The following POLD3 variants were observed in gnomAD, a reference collection of about 807,000 sequenced individuals.
The protein encoded by POLD3 is DNA polymerase delta 3, accessory subunit.
POLD3 carries 19 observed loss-of-function variants against 58.2 expected under a neutral mutation model. The ratio of observed to expected loss-of-function variants is 0.33; its 90% CI spans 0.23 to 0.48. POLD3 has a LOEUF of 0.48. Ranked by LOEUF, POLD3 falls within the 20% of genes least tolerant of loss-of-function variation. The pLI is 0.99. For synonymous variants in POLD3, 172 were observed against 193.5 expected, an observed-to-expected ratio of 0.89 and a Z score of 0.92; for missense variants, 504 against 545.5, an observed-to-expected ratio of 0.92 and a Z score of 0.76.
rs367642151 is a variant in POLD3 at position 74,640,514 on chromosome 11, G to C, written c.1199-50G>C. On this transcript the variant is annotated intron_variant, in intron 11 of 11. Coordinates refer to ENST00000263681, the MANE Select transcript of POLD3 (RefSeq NM_006591.3). ...AGCAAGACATCCCATTTTCTTCATAGAGTAAATGATTCAGCCCACCCATGT... is the reference window on the plus strand; with the variant it reads ...AGCAAGACATCCCATTTTCTTCATACAGTAAATGATTCAGCCCACCCATGT... 2.7e-6 allele frequency: 4 copies of C among 1,457,976 alleles called. No homozygotes were observed. In the African/African-American group the frequency reaches 5.8e-5, roughly 21 times the overall value. The allele number at this position is 1,457,976 out of a possible 1,614,324, so 90.3% of individuals were successfully genotyped here.
chr11:74,618,825 C>T, intron 6 of POLD3, 21 bp downstream of exon 6: 1 of 1,595,330 alleles, frequency 6.3e-7, no homozygotes, highest in South Asian at 1.1e-5. Flanking sequence ...TTTGAAGATA[C>T]CCCTTCATTG....
intron 4 of POLD3, 104 bp from the exon 5 acceptor site, chr11:74,612,774 C>A: frequency 1.0e-6 from 1 of 957,488 alleles, no homozygotes; most frequent in Non-Finnish European, 1.5e-6. Flanking sequence ...TTTTTTGGAC[C>A]ACCACAGATT....
intron 4 of POLD3, among the ~76,000 whole-genome samples, chr11:74,612,499 A>G: frequency 6.6e-6 from 1 of 152,222 alleles, no homozygotes; most frequent in East Asian, 1.9e-4. Context: ...TAAAATTGAA[A>G]TATATAAATG....
At position 74,641,898 on chromosome 11, in the gene POLD3, T is replaced by G. The variant is rs2032922981; in HGVS notation, c.*1132T>G. 2 of 985,228 alleles carry G rather than the reference T, an allele frequency of 2.0e-6. No individual in the cohort carries two copies. The highest frequency in any genetic ancestry group is 2.4e-6 in the Non-Finnish European group (2 of 829,742). 61.0% of individuals were successfully genotyped at this position (985,228 alleles called of 1,614,324 possible). A position where few individuals can be genotyped will look rare whatever the true frequency, so the allele number is the denominator to read the frequency against. ...GGTCTAAACATCAAAGAAAACATTT[T>G]TATTAGTTACTTATGGAAAATCATC... On this transcript the variant is annotated 3_prime_UTR_variant, in exon 12 of 12. Coordinates refer to ENST00000263681, the MANE Select transcript of POLD3 (RefSeq NM_006591.3).
intron 4 of POLD3, among the ~76,000 whole-genome samples, chr11:74,663,857 T>A (rs1205139746): frequency 6.6e-6 from 1 of 152,172 alleles, no homozygotes. Context: ...CATGCATATA[T>A]CTCTATCTCT....
intron 2 of POLD3, among the ~76,000 whole-genome samples, chr11:74,599,212 C>A (rs1365191141): frequency 6.6e-6 from 1 of 151,888 alleles, no homozygotes; most frequent in Non-Finnish European, 1.5e-5. Flanking sequence ...TTTTTTATTT[C>A]GTAGAGTTGG....
chr11:74,620,114 G>A, intron 7 of POLD3, 25 bp downstream of exon 7: 1 of 1,515,574 alleles, frequency 6.6e-7, no homozygotes, highest in Non-Finnish European at 9.2e-7. Flanking sequence ...ACCTCACTTT[G>A]ACTAACGAAT....
chr11:74,650,761 T>C (rs1419910418), intron 4 of POLD3, among the ~76,000 whole-genome samples: 1 of 152,152 alleles, frequency 6.6e-6, no homozygotes, highest in Non-Finnish European at 1.5e-5. Context: ...TCTCTTTGGG[T>C]GCCAGATGTG....
intron 6 of POLD3, among the ~76,000 whole-genome samples, chr11:74,619,099 A>T (rs1313420376): frequency 6.6e-6 from 1 of 152,172 alleles, no homozygotes; most frequent in African/African-American, 2.4e-5. Context: ...ACACCTCGAG[A>T]ATTGTTGACA....
chr11:74,666,940 A>G (rs2033275973), intron 4 of POLD3, among the ~76,000 whole-genome samples: 2 of 147,186 alleles, frequency 1.4e-5, no homozygotes, highest in African/African-American at 5.0e-5. Context: ...ATGTATGAGC[A>G]ATTGATGTTT....
chr11:74,656,748 T>A (rs1156937044), intron 4 of POLD3, among the ~76,000 whole-genome samples: 1 of 5,464 alleles, frequency 1.8e-4, no homozygotes. Context: ...TTCAGGGTTT[T>A]TTTTTTTTTT....
intron 4 of POLD3, among the ~76,000 whole-genome samples, chr11:74,650,337 C>T (rs2033052838): frequency 6.6e-6 from 1 of 152,178 alleles, no homozygotes; most frequent in South Asian, 2.1e-4. Context: ...TTCTGCTCAC[C>T]TGTCAAATTC....
In POLD3 at chr11:74,625,871, T is replaced by TTTTGTGTGTG. The variant is rs142784051; in HGVS notation, c.899+299_899+300insTTGTGTGTGT. ...GTGGACATGGCATAAGTGTGCCTAGTTGTGTGTGTGTGTGTGTGTGTGTGT... is the reference window on the plus strand; with the variant it reads ...GTGGACATGGCATAAGTGTGCCTAGTTTTGTGTGTGTGTGTGTGTGTGTGTGTGTGTGTGT... On this transcript the variant is annotated intron_variant, in intron 8 of 11. Coordinates refer to ENST00000263681, the MANE Select transcript of POLD3 (RefSeq NM_006591.3). Among the ~76,000 whole-genome samples the TTTTGTGTGTG allele has an allele frequency of 2.5e-4, 36 of 143,682 alleles. 1 individual carries two copies. Among genetic ancestry groups the TTTTGTGTGTG allele is most frequent in the African/African-American group, 8.5e-4 (33 of 38,876 alleles). The allele number at this position is 143,682 out of a possible 152,430, so 94.3% of individuals were successfully genotyped here.
At chr11:74,608,376 C>T (rs933504882) in intron 3 of POLD3, among the ~76,000 whole-genome samples, 3 of 152,202 alleles carry the variant, frequency 2.0e-5, no homozygotes, top group Admixed American at 6.5e-5. Flanking sequence ...CTGCTTCGGC[C>T]TCCCTAAGTG....
At chr11:74,596,533 A>G (rs1306730581) in intron 2 of POLD3, among the ~76,000 whole-genome samples, 1 of 152,230 alleles carries the variant, frequency 6.6e-6, no homozygotes, top group Non-Finnish European at 1.5e-5. Context: ...TATTGTGTAC[A>G]ACATTATGTT....
intron 5 of POLD3, among the ~76,000 whole-genome samples, chr11:74,618,223 A>G (rs1182094557): frequency 2.0e-5 from 1 of 49,868 alleles, no homozygotes; most frequent in Non-Finnish European, 3.6e-5. Context: ...GAATTAGAAT[A>G]CTTTTATCAA....
Position 74,618,540 on chromosome 11 carries a change from T to A in POLD3, c.396T>A (p.Phe132Leu), listed in dbSNP as rs2032150176. 6.2e-7 allele frequency: 1 copy of A among 1,604,642 alleles called. No homozygotes were observed. Among genetic ancestry groups the A allele is most frequent in the Non-Finnish European group, 8.5e-7 (1 of 1,173,368 alleles). The stretch of plus-strand genomic sequence containing the variant: ...AATGTAACATTTCTGTCCCCAGATT[T>A]AGTGCTATACAATGTGCAGCTGCCG... Reference protein sequence around the residue: ...LKSNLQNCSKFSAIQCAAAVP... With the variant: ...LKSNLQNCSKLSAIQCAAAVP... Residue 132 changes from phenylalanine (F) to leucine (L), a missense_variant, in exon 6 of 12, where the codon TTT becomes TTA. Phe to Leu is a conservative substitution (Grantham distance 22). Around this residue, in one of 2 missense-constraint regions of POLD3, gnomAD observed 119 missense variants for 175.0 expected, o/e 0.68. Transcript: ENST00000263681.
At chr11:74,592,866 G>A in intron 1 of POLD3, 148 bp downstream of exon 1, 1 of 1,474,234 alleles carries the variant, frequency 6.8e-7, no homozygotes, top group Non-Finnish European at 9.0e-7. Context: ...CGAGCTCTGT[G>A]CCCCAGAGCG....
At chr11:74,604,528 A>G (rs755801023) in intron 2 of POLD3, 164 bp from the exon 3 acceptor site, 32 of 575,410 alleles carry the variant, frequency 5.6e-5, no homozygotes, top group Non-Finnish European at 8.9e-5. Flanking sequence ...TCTGAAGTCC[A>G]TCCTTTTTTT....
Sources: gnomAD v4.1 joint callset for allele counts (sites outside exome capture counted in the v4.1 genomes callset) on GRCh38, gnomAD v4.1.1 for gene constraint, gnomAD v4.1.1 regional missense constraint, MANE v1.5 for transcripts, NCBI Gene and HGNC (gene_info 2026-07-23, HGNC 2026-07-21) for gene names.